ATXN7L1: variants seen among roughly 807,000 people sequenced by gnomAD.
The protein encoded by ATXN7L1 is ataxin 7 like 1, also known as ataxin-7-like protein 1.
Under a neutral mutation model 70.8 loss-of-function variants are expected in ATXN7L1, and 15 were observed. That is an observed-to-expected ratio of 0.21 (90% CI 0.14 to 0.33). The LOEUF (loss-of-function observed/expected upper bound fraction) is 0.33, where lower values mean the gene tolerates loss of function less well. ATXN7L1 is among the 10% of genes least tolerant of loss of function. The pLI, the probability that ATXN7L1 is intolerant of heterozygous loss-of-function variation, is 1.00. For missense variants in ATXN7L1, 975 were observed against 1,097.1 expected, an observed-to-expected ratio of 0.89 and a Z score of 1.57; for synonymous variants, 440 against 445.1, an observed-to-expected ratio of 0.99 and a Z score of 0.14.
At chr7:105,613,540 G>C (rs1793371470) in intron 10 of ATXN7L1, 2 of 1,275,890 alleles carry the variant, frequency 1.6e-6, no homozygotes, top group East Asian at 7.1e-5. Flanking sequence ...CCGATGTGGA[G>C]TGGGGAACTC....
chr7:105,676,708 C>A (rs1158415924), intron 3 of ATXN7L1, among the ~76,000 whole-genome samples: 1 of 151,972 alleles, frequency 6.6e-6, no homozygotes, highest in Non-Finnish European at 1.5e-5. Context: ...GGTGTGGTGG[C>A]ATGTGTCTGT....
intron 7 of ATXN7L1, among the ~76,000 whole-genome samples, chr7:105,630,717 A>C (rs1415731382): frequency 1.5e-5 from 1 of 64,532 alleles, no homozygotes; most frequent in South Asian, 4.1e-4. Flanking sequence ...ACCCTGTCTC[A>C]AAAAATAAAT....
intron 4 of ATXN7L1, chr7:105,649,524 T>C (rs1161052424): frequency 1.0e-6 from 1 of 987,732 alleles, no homozygotes; most frequent in Non-Finnish European, 1.2e-6. Context: ...ATGGTTCTCT[T>C]GGCATCAAGT....
chr7:105,775,545 T>C (rs1004998099), intron 3 of ATXN7L1, among the ~76,000 whole-genome samples: 13 of 152,074 alleles, frequency 8.5e-5, no homozygotes, highest in South Asian at 6.2e-4. Flanking sequence ...CTAAAGAAAA[T>C]TGATGCAGAA....
At chr7:105,782,326 AAG>A (rs915311582) in intron 3 of ATXN7L1, among the ~76,000 whole-genome samples, 4 of 152,212 alleles carry the variant, frequency 2.6e-5, no homozygotes, top group Admixed American at 6.5e-5. Flanking sequence ...ATTCCTAAAT[AAG>A]CTTATCCATT....
At chr7:105,739,011 G>A (rs1253603532) in intron 3 of ATXN7L1, among the ~76,000 whole-genome samples, 1 of 152,158 alleles carries the variant, frequency 6.6e-6, no homozygotes, top group East Asian at 1.9e-4. Context: ...TACTTAGGGA[G>A]GCTGACTTTT....
At chr7:105,616,577 A>G (rs1298276224) in intron 9 of ATXN7L1, among the ~76,000 whole-genome samples, 1 of 152,262 alleles carries the variant, frequency 6.6e-6, no homozygotes, top group East Asian at 1.9e-4. Flanking sequence ...AAGGTGCCCC[A>G]TAAATACTTG....
intron 2 of ATXN7L1, among the ~76,000 whole-genome samples, chr7:105,873,755 T>C (rs576204160): frequency 6.6e-6 from 1 of 152,318 alleles, no homozygotes; most frequent in South Asian, 2.1e-4. Context: ...CGTACCTTTA[T>C]AGGACAAAGG....
At chr7:105,617,959 G>A (rs1794163440) in intron 9 of ATXN7L1, 1 of 456,666 alleles carries the variant, frequency 2.2e-6, no homozygotes, top group African/African-American at 2.0e-5. Flanking sequence ...GGGCAGCGAG[G>A]TTGAGAGGGT....
At chr7:105,824,724 C>G (rs1810618512) in intron 2 of ATXN7L1, among the ~76,000 whole-genome samples, 2 of 151,812 alleles carry the variant, frequency 1.3e-5, no homozygotes, top group African/African-American at 4.8e-5. Flanking sequence ...AACAAACCAC[C>G]ACCAGTAAAA....
intron 5 of ATXN7L1, among the ~76,000 whole-genome samples, chr7:105,641,505 C>T (rs543320309): frequency 4.6e-5 from 7 of 152,316 alleles, no homozygotes; most frequent in African/African-American, 1.7e-4. Flanking sequence ...AATGCAAAAA[C>T]AATGTGCGGC....
intron 3 of ATXN7L1, among the ~76,000 whole-genome samples, chr7:105,705,304 G>C (rs1054992639): frequency 6.6e-6 from 1 of 151,854 alleles, no homozygotes; most frequent in African/African-American, 2.4e-5. Flanking sequence ...GGGACTACAG[G>C]TGTGAGCCAC....
chr7:105,780,444 C>CA (rs1402911575), intron 3 of ATXN7L1, among the ~76,000 whole-genome samples: 7 of 151,504 alleles, frequency 4.6e-5, no homozygotes, highest in Non-Finnish European at 8.8e-5. Flanking sequence ...GAAGGGCATT[C>CA]AAAAATATAA....
intron 2 of ATXN7L1, 83 bp downstream of exon 2, chr7:105,875,729 G>T: frequency 7.6e-7 from 1 of 1,322,198 alleles, no homozygotes; most frequent in South Asian, 1.2e-5. Context: ...TCTGTACCCA[G>T]CAGAACAATT....
intron 3 of ATXN7L1, among the ~76,000 whole-genome samples, chr7:105,680,913 C>T (rs747989477): frequency 1.3e-5 from 2 of 152,232 alleles, no homozygotes; most frequent in Non-Finnish European, 2.9e-5. Flanking sequence ...CAATCTGGAC[C>T]TTCTAGAGCA....
chr7:105,827,740 A>G (rs1811076023), intron 2 of ATXN7L1, among the ~76,000 whole-genome samples: 1 of 152,180 alleles, frequency 6.6e-6, no homozygotes, highest in African/African-American at 2.4e-5. Context: ...TGAAGTAGCT[A>G]CTATAGATCC....
intron 3 of ATXN7L1, among the ~76,000 whole-genome samples, chr7:105,733,625 T>TCCACCCAC (rs1796928540): frequency 9.0e-6 from 1 of 110,790 alleles, no homozygotes; most frequent in Admixed American, 8.9e-5. Context: ...CATCCATCCA[T>TCCACCCAC]CCATCCACCC....
chr7:105,678,987 T>G (rs1173783630), intron 3 of ATXN7L1: 10 of 834,346 alleles, frequency 1.2e-5, no homozygotes, highest in Non-Finnish European at 1.2e-5. Flanking sequence ...AGGATCTCTG[T>G]TCCGTGACCT....
At chr7:105,843,517 G>A (rs377747508) in intron 2 of ATXN7L1, among the ~76,000 whole-genome samples, 1 of 152,220 alleles carries the variant, frequency 6.6e-6, no homozygotes, top group Admixed American at 6.5e-5. Context: ...GTGGTACAGG[G>A]GCAGCAAAGT....
Sources: allele counts gnomAD v4.1 joint callset (sites outside exome capture counted in the v4.1 genomes callset), GRCh38; gene constraint gnomAD v4.1.1; transcripts MANE v1.5; gene names NCBI Gene and HGNC (gene_info 2026-07-23, HGNC 2026-07-21).